Variants in ABAT observed in about 807,000 individuals in gnomAD.
ABAT encodes the protein 4-aminobutyrate aminotransferase.
Under a neutral mutation model 64.6 loss-of-function variants are expected in ABAT, and 45 were observed. The ratio of observed to expected loss-of-function variants is 0.70; its 90% CI spans 0.55 to 0.89. The LOEUF (loss-of-function observed/expected upper bound fraction) is 0.89, where lower values mean the gene tolerates loss of function less well. Ranked by LOEUF, ABAT falls within the 40% of genes least tolerant of loss-of-function variation. The probability of loss-of-function intolerance (pLI) is 0.00; values close to 1 mark genes in which losing one functional copy is unlikely to be tolerated. For synonymous variants in ABAT, 297 were observed against 250.5 expected (o/e 1.19, Z -1.75); for missense variants, 633 against 658.4 (o/e 0.96, Z 0.42).
chr16:8,688,118 G>A (rs780522519), intron 1 of ABAT, among the ~76,000 whole-genome samples: 4 of 151,902 alleles, frequency 2.6e-5, no homozygotes, highest in Non-Finnish European at 5.9e-5. Flanking sequence ...TGCCAAGGCT[G>A]GTCTCAAACT....
At chr16:8,768,503 T>C (rs899771475) in intron 10 of ABAT, among the ~76,000 whole-genome samples, 3 of 152,166 alleles carry the variant, frequency 2.0e-5, no homozygotes, top group Admixed American at 1.3e-4. Flanking sequence ...CTTCAAAGCC[T>C]GCGCTGCATC....
At chr16:8,717,060 C>T (rs1289265757) in intron 1 of ABAT, among the ~76,000 whole-genome samples, 1 of 152,168 alleles carries the variant, frequency 6.6e-6, no homozygotes, top group Non-Finnish European at 1.5e-5. Context: ...GAGGCCAAGG[C>T]GGGTGGATCA....
At position 8,784,289 on chromosome 16, in the gene ABAT, A is replaced by G. The variant is rs2060499736; in HGVS notation, c.*2859A>G. 6.6e-6 allele frequency: 1 copy of G among 152,594 alleles called. No homozygotes were observed. Among genetic ancestry groups the G allele is most frequent in the Non-Finnish European group, 1.5e-5 (1 of 68,028 alleles). 9.5% of individuals were successfully genotyped at this position (152,594 alleles called of 1,614,324 possible). A position where few individuals can be genotyped will look rare whatever the true frequency, so the allele number is the denominator to read the frequency against. On this transcript the variant is annotated 3_prime_UTR_variant, in exon 16 of 16. Transcript: ENST00000268251. The stretch of plus-strand genomic sequence containing the variant: ...AAATGGGTGTTTTTTCATAATTTTT[A>G]CTGACGCTCAGTAACCATGCAAAAT...
chr16:8,768,940 G>C lies in ABAT; in HGVS notation c.783G>C (p.Glu261Asp), dbSNP rs777951918. 1.2e-6 allele frequency: 2 copies of C among 1,614,064 alleles called. No individual in the cohort carries two copies. Among genetic ancestry groups the C allele is most frequent in the Admixed American group, 3.3e-5 (2 of 60,004 alleles). Reference sequence around the variant, plus strand: ...ACCCTCTGGAAGAGTTTGTGAAAGAGAACCAACAGGAGGAGGCCCGCTGTC... The same window carrying C: ...ACCCTCTGGAAGAGTTTGTGAAAGACAACCAACAGGAGGAGGCCCGCTGTC... Reference protein sequence around the residue: ...LKYPLEEFVKENQQEEARCLE... With the variant: ...LKYPLEEFVKDNQQEEARCLE... Residue 261 changes from glutamate (E) to aspartate (D), a missense_variant, in exon 11 of 16, where the codon GAG becomes GAC. By Grantham distance (45) the Glu-to-Asp change is conservative (BLOSUM62 2). Transcript: ENST00000268251.
chr16:8,765,626 C>G (rs1042764924), intron 8 of ABAT, among the ~76,000 whole-genome samples: 21 of 152,072 alleles, frequency 1.4e-4, no homozygotes, highest in Non-Finnish European at 1.5e-5. Context: ...TATCATGCTA[C>G]TGCACTCCAA....
At chr16:8,706,325 G>C (rs1340591081) in intron 1 of ABAT, among the ~76,000 whole-genome samples, 1 of 149,874 alleles carries the variant, frequency 6.7e-6, no homozygotes, top group Non-Finnish European at 1.5e-5. Context: ...AGGATCACCT[G>C]AGCCCTGAAG....
At chr16:8,723,827 A>ATTT (rs1157410078) in intron 1 of ABAT, among the ~76,000 whole-genome samples, 7 of 40,358 alleles carry the variant, frequency 1.7e-4, no homozygotes, top group African/African-American at 3.3e-4. Context: ...ATATATATAT[A>ATTT]TTTTTTTTTT....
At chr16:8,773,070 G>A (rs1035688171) in intron 12 of ABAT, among the ~76,000 whole-genome samples, 153 bp downstream of exon 12, 3 of 149,998 alleles carry the variant, frequency 2.0e-5, no homozygotes, top group Non-Finnish European at 4.4e-5. Context: ...AGAAGTTGGG[G>A]TTGGTGAAAG....
intron 1 of ABAT, among the ~76,000 whole-genome samples, chr16:8,694,179 G>A (rs559096814): frequency 9.9e-4 from 145 of 145,742 alleles, no homozygotes; most frequent in Non-Finnish European, 1.9e-3. Context: ...ACAGGCGCCC[G>A]CCACAATGCC....
At chr16:8,766,611 C>T (rs1348450775) in intron 9 of ABAT, among the ~76,000 whole-genome samples, 1 of 151,960 alleles carries the variant, frequency 6.6e-6, no homozygotes, top group African/African-American at 2.4e-5. Context: ...GCCGAGATCA[C>T]ACCACTACAC....
At chr16:8,766,055 G>C (rs949805898) in intron 8 of ABAT, 153 bp from the exon 9 acceptor site, 15 of 709,108 alleles carry the variant, frequency 2.1e-5, no homozygotes, top group South Asian at 6.2e-5. Context: ...GTAGCCTCAC[G>C]TTTCAGTACA....
intron 1 of ABAT, among the ~76,000 whole-genome samples, chr16:8,733,536 G>C (rs907196982): frequency 1.3e-5 from 2 of 152,018 alleles, no homozygotes; most frequent in East Asian, 3.9e-4. Flanking sequence ...CTCCAGCCTG[G>C]GCACCATTGA....
At chr16:8,713,771 A>C (rs2058133707) in intron 1 of ABAT, 1 of 435,540 alleles carries the variant, frequency 2.3e-6, no homozygotes, top group African/African-American at 2.0e-5. Flanking sequence ...GGATGAACCC[A>C]GCCAGCTGCG....
intron 9 of ABAT, 72 bp downstream of exon 9, chr16:8,766,342 G>T: frequency 1.4e-6 from 2 of 1,468,948 alleles, no homozygotes; most frequent in Non-Finnish European, 1.9e-6. Context: ...GTTGCTGGCT[G>T]GCTGGCACTG....
At chr16:8,733,076 T>G in intron 1 of ABAT, among the ~76,000 whole-genome samples, 1 of 139,474 alleles carries the variant, frequency 7.2e-6, no homozygotes. Context: ...GGCGGGGGGC[T>G]GACCCCCCCA....
intron 1 of ABAT, among the ~76,000 whole-genome samples, chr16:8,708,967 A>G (rs1029170489): frequency 6.6e-6 from 1 of 152,170 alleles, no homozygotes; most frequent in Admixed American, 6.5e-5. Context: ...ACATTTGCCA[A>G]TGAGTCACGC....
At chr16:8,716,116 G>T (rs532409843) in intron 1 of ABAT, among the ~76,000 whole-genome samples, 2 of 152,262 alleles carry the variant, frequency 1.3e-5, no homozygotes, top group East Asian at 3.9e-4. Context: ...AGCAGCTTGG[G>T]GATGGGAGAG....
At chr16:8,745,489 G>A (rs575680698) in intron 2 of ABAT, among the ~76,000 whole-genome samples, 3 of 152,138 alleles carry the variant, frequency 2.0e-5, no homozygotes, top group East Asian at 3.9e-4. Flanking sequence ...TTGAGCCCAG[G>A]AGTTTGAGGC....
At chr16:8,720,161 A>G (rs2058327116) in intron 1 of ABAT, among the ~76,000 whole-genome samples, 1 of 152,352 alleles carries the variant, frequency 6.6e-6, no homozygotes, top group South Asian at 2.1e-4. Flanking sequence ...ATGGCCTGCA[A>G]CAGGCATCTC....
Sources: allele counts gnomAD v4.1 joint callset (sites outside exome capture counted in the v4.1 genomes callset), GRCh38; gene constraint gnomAD v4.1.1; transcripts MANE v1.5; gene names NCBI Gene and HGNC (gene_info 2026-07-23, HGNC 2026-07-21).